LDLRAD4: variants seen among roughly 807,000 people sequenced by gnomAD.
The protein encoded by LDLRAD4 is low-density lipoprotein receptor class A domain-containing protein 4.
Under a neutral mutation model 17.0 loss-of-function variants are expected in LDLRAD4, and 5 were observed. The observed-to-expected ratio is 0.29, with a 90% CI of 0.15 to 0.62. LDLRAD4 has a LOEUF of 0.62. Among genes scored for constraint, LDLRAD4 ranks in the 20% least tolerant of loss-of-function variants. The pLI, the probability that LDLRAD4 is intolerant of heterozygous loss-of-function variation, is 0.84. For synonymous variants in LDLRAD4, 168 were observed against 171.8 expected (o/e 0.98, Z 0.17); for missense variants, 340 against 424.7 (o/e 0.80, Z 1.75).
intron 1 of LDLRAD4, among the ~76,000 whole-genome samples, chr18:13,263,831 C>T (rs1447480771): frequency 2.6e-5 from 4 of 152,136 alleles, no homozygotes; most frequent in Admixed American, 6.5e-5. Context: ...GCATTGCTGT[C>T]CCTCTAAAGG....
At chr18:13,369,925 G>A (rs1346431079) in intron 1 of LDLRAD4, among the ~76,000 whole-genome samples, 4 of 152,192 alleles carry the variant, frequency 2.6e-5, no homozygotes, top group Non-Finnish European at 4.4e-5. Flanking sequence ...GCCTGACCAC[G>A]CCTGCCACCC....
At chr18:13,424,910 G>A (rs966880936) in intron 2 of LDLRAD4, among the ~76,000 whole-genome samples, 5 of 152,192 alleles carry the variant, frequency 3.3e-5, no homozygotes, top group Non-Finnish European at 7.3e-5. Flanking sequence ...TCGCTAATAC[G>A]GACTATGTCC....
intron 1 of LDLRAD4, among the ~76,000 whole-genome samples, chr18:13,358,678 G>A (rs560486417): frequency 1.4e-4 from 22 of 152,242 alleles, no homozygotes; most frequent in Non-Finnish European, 2.8e-4. Flanking sequence ...GTCACCAATT[G>A]TGATGACTGG....
At chr18:13,553,501 G>A (rs1000680516) in intron 3 of LDLRAD4, among the ~76,000 whole-genome samples, 4 of 152,110 alleles carry the variant, frequency 2.6e-5, no homozygotes, top group African/African-American at 9.7e-5. Flanking sequence ...AAATTAAAAG[G>A]ATGTGTTTCT....
Position 13,634,856 on chromosome 18 carries a change from G to C in LDLRAD4, c.337-8503G>C, listed in dbSNP as rs79244158. 7.9e-4 allele frequency among the ~76,000 whole-genome samples: 120 copies of C among 151,892 alleles called. No individual in the cohort carries two copies. In the East Asian group the frequency reaches 0.022, roughly 28 times the overall value. ...TTACTACAAAGCTGTAGTAAGTTTT[G>C]TAGTGTGGTGCTGGGATATAGACAA... On this transcript the variant is annotated intron_variant, in intron 4 of 5. Transcript: ENST00000359446.
At chr18:13,420,173 CA>C (rs1322469671) in intron 2 of LDLRAD4, 30 of 152,210 alleles carry the variant, frequency 2.0e-4, no homozygotes, top group African/African-American at 6.0e-4. Flanking sequence ...AGATGAGCTT[CA>C]TGAAAGCATA....
intron 1 of LDLRAD4, among the ~76,000 whole-genome samples, chr18:13,287,277 T>C (rs2045682604): frequency 6.6e-6 from 1 of 152,216 alleles, no homozygotes; most frequent in Non-Finnish European, 1.5e-5. Context: ...GTCTTGATCT[T>C]GGTGCTGTAA....
chr18:13,612,116 G>A (rs1307495510), intron 3 of LDLRAD4: 2 of 985,638 alleles, frequency 2.0e-6, no homozygotes, highest in African/African-American at 1.7e-5. Context: ...CAGAGATCAA[G>A]GGAAGGAGTA....
At chr18:13,303,319 T>C (rs1315701932) in intron 1 of LDLRAD4, among the ~76,000 whole-genome samples, 1 of 152,212 alleles carries the variant, frequency 6.6e-6, no homozygotes, top group African/African-American at 2.4e-5. Context: ...CGATCATAGC[T>C]CACTGCAGCC....
intron 1 of LDLRAD4, among the ~76,000 whole-genome samples, chr18:13,351,169 T>C (rs2083015471): frequency 6.6e-6 from 1 of 152,238 alleles, no homozygotes; most frequent in Non-Finnish European, 1.5e-5. Context: ...CTGTGAAGAA[T>C]GTCAAAGGTA....
At chr18:13,473,296 T>C (rs1399145827) in intron 3 of LDLRAD4, among the ~76,000 whole-genome samples, 2 of 152,192 alleles carry the variant, frequency 1.3e-5, no homozygotes, top group Non-Finnish European at 2.9e-5. Flanking sequence ...CTCCAGCTTC[T>C]CTAGTTGTTT....
chr18:13,462,560 T>C (rs1211492642), intron 3 of LDLRAD4, among the ~76,000 whole-genome samples: 1 of 152,166 alleles, frequency 6.6e-6, no homozygotes, highest in Non-Finnish European at 1.5e-5. Context: ...ACTAATTTTT[T>C]TGGATTTTAA....
At chr18:13,353,027 T>C (rs1021407883) in intron 1 of LDLRAD4, among the ~76,000 whole-genome samples, 1 of 152,250 alleles carries the variant, frequency 6.6e-6, no homozygotes, top group Admixed American at 6.5e-5. Context: ...TAGTACTTAG[T>C]CCATTTTTCC....
chr18:13,340,343 A>G (rs920911762), intron 1 of LDLRAD4, among the ~76,000 whole-genome samples: 1 of 152,218 alleles, frequency 6.6e-6, no homozygotes, highest in Non-Finnish European at 1.5e-5. Flanking sequence ...AGGAACTTCC[A>G]TACTGTCTTC....
At chr18:13,365,361 T>C (rs1000457889) in intron 1 of LDLRAD4, among the ~76,000 whole-genome samples, 1 of 152,236 alleles carries the variant, frequency 6.6e-6, no homozygotes, top group Admixed American at 6.5e-5. Context: ...TATTCATTAA[T>C]GCCACCTGAG....
chr18:13,362,720 A>G (rs1428956916), intron 1 of LDLRAD4: 1 of 152,222 alleles, frequency 6.6e-6, no homozygotes, highest in East Asian at 1.9e-4. Flanking sequence ...GAAGGGGAAG[A>G]CAAAGATGAT....
At chr18:13,236,692 C>T (rs1440235090) in intron 1 of LDLRAD4, among the ~76,000 whole-genome samples, 2 of 150,532 alleles carry the variant, frequency 1.3e-5, no homozygotes, top group South Asian at 2.1e-4. Flanking sequence ...GGGCTCGGTC[C>T]GTGTTTCTCA....
At chr18:13,322,787 T>TC in intron 1 of LDLRAD4, among the ~76,000 whole-genome samples, 1 of 49,564 alleles carries the variant, frequency 2.0e-5, no homozygotes, top group East Asian at 6.6e-4. Context: ...ATGGCTAATT[T>TC]TTTTTTTTTT....
At chr18:13,585,299 C>G (rs1359969174) in intron 3 of LDLRAD4, 1 of 152,152 alleles carries the variant, frequency 6.6e-6, no homozygotes, top group Non-Finnish European at 1.5e-5. Flanking sequence ...GGCATGAATA[C>G]TGTAAGCTGC....
Sources: gnomAD v4.1 joint callset for allele counts (sites outside exome capture counted in the v4.1 genomes callset) on GRCh38, gnomAD v4.1.1 for gene constraint, MANE v1.5 for transcripts, NCBI Gene and HGNC (gene_info 2026-07-23, HGNC 2026-07-21) for gene names.